Variants in INPP4B observed in about 807,000 individuals in gnomAD.
INPP4B encodes the protein inositol polyphosphate 4-phosphatase type II.
A neutral mutation model predicts 122.5 loss-of-function variants in INPP4B; 55 were observed. The ratio of observed to expected loss-of-function variants is 0.45; its 90% CI spans 0.36 to 0.56. INPP4B has a LOEUF of 0.56. Among genes scored for constraint, INPP4B ranks in the 20% least tolerant of loss-of-function variants. The pLI is 0.00. For synonymous variants in INPP4B, 403 were observed against 388.7 expected (o/e 1.04, Z -0.43); for missense variants, 1,000 against 1,097.7 (o/e 0.91, Z 1.26).
chr4:142,469,344 G>A (rs866834957), intron 2 of INPP4B, among the ~76,000 whole-genome samples: 2 of 151,908 alleles, frequency 1.3e-5, no homozygotes, highest in African/African-American at 4.8e-5. Context: ...AACTCTGTAA[G>A]GAAAATTATA....
intron 7 of INPP4B, among the ~76,000 whole-genome samples, chr4:142,369,755 C>T (rs560246917): frequency 2.9e-4 from 44 of 151,444 alleles, no homozygotes; most frequent in Admixed American, 1.6e-3. Flanking sequence ...GGTGAAACCC[C>T]GTCTGTACCA....
At chr4:142,805,546 T>C (rs930932661) in intron 1 of INPP4B, among the ~76,000 whole-genome samples, 5 of 152,280 alleles carry the variant, frequency 3.3e-5, no homozygotes, top group African/African-American at 9.6e-5. Context: ...CAGATTTTCT[T>C]CCACCTCTGC....
At chr4:142,689,409 G>A (rs905648346) in intron 2 of INPP4B, among the ~76,000 whole-genome samples, 27 of 152,100 alleles carry the variant, frequency 1.8e-4, no homozygotes, top group African/African-American at 6.3e-4. Flanking sequence ...CAGCACATTG[G>A]CAAACAATGA....
intron 8 of INPP4B, among the ~76,000 whole-genome samples, chr4:142,308,480 C>T (rs1236223817): frequency 1.3e-5 from 2 of 152,028 alleles, no homozygotes; most frequent in Non-Finnish European, 2.9e-5. Context: ...ATTGCCTATA[C>T]ATTTACTTTC....
At chr4:142,635,101 GA>G (rs1364713619) in intron 2 of INPP4B, among the ~76,000 whole-genome samples, 5 of 151,984 alleles carry the variant, frequency 3.3e-5, no homozygotes, top group East Asian at 3.9e-4. Context: ...CAAACATATG[GA>G]AAAAAGCTCA....
At chr4:142,197,675 A>T (rs1217227966) in intron 14 of INPP4B, among the ~76,000 whole-genome samples, 1 of 152,202 alleles carries the variant, frequency 6.6e-6, no homozygotes, top group Admixed American at 6.5e-5. Flanking sequence ...AAGTTACTAA[A>T]TGAATGAATA....
chr4:142,054,484 G>A (rs2152409041), intron 25 of INPP4B, among the ~76,000 whole-genome samples: 2 of 152,112 alleles, frequency 1.3e-5, no homozygotes, highest in South Asian at 4.1e-4. Context: ...GTGATAGGGA[G>A]AATGATTGCC....
chr4:142,662,123 T>C (rs35545759), intron 2 of INPP4B, among the ~76,000 whole-genome samples: 1,634 of 152,106 alleles, frequency 0.011, 11 homozygotes, highest in Non-Finnish European at 0.017. Flanking sequence ...TAGTCCCAGC[T>C]ACTCGGGAGG....
At chr4:142,561,736 A>G (rs1730521750) in intron 2 of INPP4B, among the ~76,000 whole-genome samples, 1 of 152,150 alleles carries the variant, frequency 6.6e-6, no homozygotes, top group African/African-American at 2.4e-5. Flanking sequence ...TAAAGTTTCT[A>G]AAGTTGATTT....
chr4:142,545,757 A>AGTGTG (rs1553955990), intron 2 of INPP4B, among the ~76,000 whole-genome samples: 1,507 of 80,270 alleles, frequency 0.019, 8 homozygotes, highest in African/African-American at 0.023. Context: ...ATATATACAC[A>AGTGTG]TGTATATGTG....
At chr4:142,834,780 C>T (rs185200728) in intron 1 of INPP4B, among the ~76,000 whole-genome samples, 56 of 152,248 alleles carry the variant, frequency 3.7e-4, no homozygotes, top group African/African-American at 1.2e-3. Flanking sequence ...TACCACATCG[C>T]CTAAGAGATT....
chr4:142,607,812 T>G (rs1414903777), intron 2 of INPP4B, among the ~76,000 whole-genome samples: 1 of 152,218 alleles, frequency 6.6e-6, no homozygotes, highest in East Asian at 1.9e-4. Flanking sequence ...AGAGTTGAAG[T>G]CATAAAGCCT....
chr4:142,210,052 C>T (rs1282886332), intron 12 of INPP4B, among the ~76,000 whole-genome samples: 1 of 152,058 alleles, frequency 6.6e-6, no homozygotes, highest in Non-Finnish European at 1.5e-5. Flanking sequence ...GATAAATGGT[C>T]CAATATGCTG....
chr4:142,582,897 T>G (rs778835504), intron 2 of INPP4B, among the ~76,000 whole-genome samples: 1 of 152,202 alleles, frequency 6.6e-6, no homozygotes, highest in Non-Finnish European at 1.5e-5. Flanking sequence ...TTTGGCATTT[T>G]GCTTACTGCA....
chr4:142,398,147 C>T (rs1481922858), intron 7 of INPP4B, among the ~76,000 whole-genome samples: 2 of 150,262 alleles, frequency 1.3e-5, no homozygotes, highest in South Asian at 2.1e-4. Context: ...AGGCCGAGGC[C>T]GGCGGATCAC....
chr4:142,384,866 TC>T (rs1795433964), intron 7 of INPP4B, among the ~76,000 whole-genome samples: 1 of 152,116 alleles, frequency 6.6e-6, no homozygotes, highest in Admixed American at 6.6e-5. Flanking sequence ...GGTTTTCTGT[TC>T]CTGTGTTAGT....
chr4:142,270,544 G>T, intron 10 of INPP4B, 119 bp downstream of exon 10: 1 of 699,204 alleles, frequency 1.4e-6, no homozygotes. Flanking sequence ...CAGAGCTGTT[G>T]TCCCATTTAG....
At chr4:142,081,718 G>C (rs1773984651) in intron 25 of INPP4B, among the ~76,000 whole-genome samples, 1 of 151,910 alleles carries the variant, frequency 6.6e-6, no homozygotes, top group Non-Finnish European at 1.5e-5. Flanking sequence ...CTTAACTTGA[G>C]CCAATGAGCT....
intron 15 of INPP4B, among the ~76,000 whole-genome samples, chr4:142,175,441 A>C (rs1219273): frequency 0.84 from 128,330 of 151,880 alleles, 54,583 homozygotes; most frequent in Non-Finnish European, 0.89. Context: ...AAAGAAATGC[A>C]CTTTGAGGCT....
Sources: gnomAD v4.1 joint callset for allele counts (sites outside exome capture counted in the v4.1 genomes callset) on GRCh38, gnomAD v4.1.1 for gene constraint, MANE v1.5 for transcripts, NCBI Gene and HGNC (gene_info 2026-07-23, HGNC 2026-07-21) for gene names.